SLC35D4: variants seen among roughly 807,000 people sequenced by gnomAD.
SLC35D4 encodes solute carrier family 35 member D4.
chr18:23,286,871 G>A, the SLC35D4 span, among the ~76,000 whole-genome samples: 871 of 150,200 alleles, frequency 5.8e-3, 8 homozygotes, highest in African/African-American at 0.019. Context: ...GATTACAGCT[G>A]CATCTCATTG....
chr18:23,298,703 C>T, the SLC35D4 span, among the ~76,000 whole-genome samples: 2 of 152,208 alleles, frequency 1.3e-5, no homozygotes, highest in African/African-American at 4.8e-5. Context: ...CTATTTTGAA[C>T]CTCGCCGTAG....
the SLC35D4 span, among the ~76,000 whole-genome samples, chr18:23,319,729 G>A: frequency 5.7e-4 from 87 of 152,132 alleles, no homozygotes; most frequent in Non-Finnish European, 9.8e-4. Flanking sequence ...ATGAGCCACC[G>A]CGCCCTGCCT....
At chr18:23,309,564 A>T in the SLC35D4 span, 1 of 813,014 alleles carries the variant, frequency 1.2e-6, no homozygotes, top group Non-Finnish European at 2.0e-6. Flanking sequence ...TTGCATTTGG[A>T]TGGAGATACA....
At chr18:23,317,178 CA>C in the SLC35D4 span, among the ~76,000 whole-genome samples, 40 of 136,606 alleles carry the variant, frequency 2.9e-4, no homozygotes, top group African/African-American at 9.8e-4. Context: ...CACACACACA[CA>C]CACCCCACTA....
At chr18:23,265,682 C>T in the SLC35D4 span, among the ~76,000 whole-genome samples, 3 of 152,074 alleles carry the variant, frequency 2.0e-5, no homozygotes, top group Non-Finnish European at 4.4e-5. Flanking sequence ...CCCACTGAGA[C>T]TTTGGAGTTC....
chr18:23,350,837 G>A, the SLC35D4 span, among the ~76,000 whole-genome samples: 18 of 152,142 alleles, frequency 1.2e-4, no homozygotes, highest in Non-Finnish European at 2.9e-5. Flanking sequence ...CTGGGGAGGA[G>A]GGAATGGGAG....
the SLC35D4 span, among the ~76,000 whole-genome samples, chr18:23,316,790 C>T: frequency 8.5e-5 from 13 of 152,104 alleles, no homozygotes; most frequent in Non-Finnish European, 1.8e-4. Flanking sequence ...AACTGTGACA[C>T]GAGTATCTAG....
the SLC35D4 span, chr18:23,297,131 G>T: frequency 1.3e-5 from 2 of 152,258 alleles, no homozygotes; most frequent in African/African-American, 4.8e-5. Context: ...AATGACAACC[G>T]TGTGAGGTAA....
the SLC35D4 span, among the ~76,000 whole-genome samples, chr18:23,273,013 C>G: frequency 6.6e-6 from 1 of 152,224 alleles, no homozygotes; most frequent in Non-Finnish European, 1.5e-5. Context: ...GCTTTGTTCT[C>G]CATGACACCG....
chr18:23,428,842 T>C, the SLC35D4 span, among the ~76,000 whole-genome samples: 1 of 152,206 alleles, frequency 6.6e-6, no homozygotes, highest in Non-Finnish European at 1.5e-5. Flanking sequence ...CCTCTCTCCC[T>C]AACTCTCCCC....
the SLC35D4 span, chr18:23,437,952 G>T: frequency 3.0e-5 from 40 of 1,328,162 alleles, no homozygotes; most frequent in East Asian, 2.6e-4. Context: ...GGCAGCAGCC[G>T]CCCAGAGACG....
the SLC35D4 span, chr18:23,371,321 C>A: frequency 1.0e-6 from 1 of 963,288 alleles, no homozygotes; most frequent in East Asian, 2.9e-5. Context: ...TCTTCCATTC[C>A]TGGGCCCAAG....
At chr18:23,300,383 A>G in the SLC35D4 span, among the ~76,000 whole-genome samples, 1 of 152,116 alleles carries the variant, frequency 6.6e-6, no homozygotes, top group African/African-American at 2.4e-5. Flanking sequence ...TGCAAATGTA[A>G]CCAGGGGCTC....
chr18:23,411,212 AAGAG>A, the SLC35D4 span, among the ~76,000 whole-genome samples: 1 of 137,348 alleles, frequency 7.3e-6, no homozygotes, highest in African/African-American at 2.7e-5. Context: ...GAAGGAAAGA[AAGAG>A]AGGGGAGGGG....
chr18:23,263,992 C>T, the SLC35D4 span, among the ~76,000 whole-genome samples: 2 of 152,216 alleles, frequency 1.3e-5, no homozygotes, highest in Non-Finnish European at 2.9e-5. Context: ...TCACCATGAA[C>T]TCGAGCACCT....
the SLC35D4 span, among the ~76,000 whole-genome samples, chr18:23,420,405 C>T: frequency 6.6e-6 from 1 of 152,056 alleles, no homozygotes; most frequent in Non-Finnish European, 1.5e-5. Flanking sequence ...GGCAGGGTCT[C>T]TGCTGTGTCT....
the SLC35D4 span, among the ~76,000 whole-genome samples, chr18:23,354,212 T>C: frequency 1.1e-4 from 16 of 151,544 alleles, no homozygotes; most frequent in Non-Finnish European, 4.4e-5. Context: ...AGACAAAGAG[T>C]GAGATATGGC....
the SLC35D4 span, among the ~76,000 whole-genome samples, chr18:23,350,910 G>C: frequency 6.6e-6 from 1 of 152,118 alleles, no homozygotes; most frequent in Non-Finnish European, 1.5e-5. Context: ...TAGTTTTCAT[G>C]AACAAATGCG....
chr18:23,313,126 C>CAAAAAAAAAAA, the SLC35D4 span, among the ~76,000 whole-genome samples: 32 of 29,492 alleles, frequency 1.1e-3, 3 homozygotes, highest in Admixed American at 1.4e-3. Flanking sequence ...GACTACATCT[C>CAAAAAAAAAAA]AAAAAAAAAA....
Sources: gnomAD v4.1 joint callset for allele counts (sites outside exome capture counted in the v4.1 genomes callset) on GRCh38, gnomAD v4.1.1 for gene constraint, MANE v1.5 for transcripts, NCBI Gene and HGNC (gene_info 2026-07-23, HGNC 2026-07-21) for gene names.